CDC42SE2: variants seen among roughly 807,000 people sequenced by gnomAD.
The protein encoded by CDC42SE2 is CDC42 small effector 2, also known as CDC42 small effector protein 2.
CDC42SE2 carries 3 observed loss-of-function variants against 11.5 expected under a neutral mutation model. That is an observed-to-expected ratio of 0.26 (90% CI 0.12 to 0.67). The LOEUF is 0.67. Ranked by LOEUF, CDC42SE2 falls within the 30% of genes least tolerant of loss-of-function variation. The pLI is 0.80. For synonymous variants in CDC42SE2, 33 were observed against 34.8 expected, an observed-to-expected ratio of 0.95 and a Z score of 0.18; for missense variants, 82 against 106.8, an observed-to-expected ratio of 0.77 and a Z score of 1.02.
intron 2 of CDC42SE2, among the ~76,000 whole-genome samples, chr5:131,331,505 T>C (rs1758419124): frequency 6.6e-6 from 1 of 152,190 alleles, no homozygotes; most frequent in South Asian, 2.1e-4. Context: ...ATAATACCGC[T>C]TAGGATTACA....
At chr5:131,350,785 A>G (rs1758989526) in intron 2 of CDC42SE2, among the ~76,000 whole-genome samples, 1 of 152,146 alleles carries the variant, frequency 6.6e-6, no homozygotes, top group Admixed American at 6.6e-5. Context: ...CAAAGGACCT[A>G]GAAAACTAAA....
At chr5:131,247,482 G>A (rs965379722) in intron 1 of CDC42SE2, among the ~76,000 whole-genome samples, 4 of 152,042 alleles carry the variant, frequency 2.6e-5, no homozygotes, top group Admixed American at 1.3e-4. Context: ...AGCTGGGCAT[G>A]GTGGTGGGCG....
chr5:131,351,333 C>T (rs1299318567), intron 2 of CDC42SE2, among the ~76,000 whole-genome samples: 1 of 151,992 alleles, frequency 6.6e-6, no homozygotes, highest in Non-Finnish European at 1.5e-5. Context: ...TGGCTCACTG[C>T]AAGCTTTGCC....
chr5:131,235,534 C>T, the CDC42SE2 span, among the ~76,000 whole-genome samples: 2 of 151,662 alleles, frequency 1.3e-5, no homozygotes, highest in East Asian at 3.9e-4. Context: ...GTGATCCACC[C>T]ACCTCAGCCT....
At chr5:131,318,988 G>A (rs144031111) in intron 2 of CDC42SE2, among the ~76,000 whole-genome samples, 3,365 of 152,020 alleles carry the variant, frequency 0.022, 128 homozygotes, top group African/African-American at 0.076. Flanking sequence ...TGCAACCTCC[G>A]CCTCCAGGGT....
Position 131,323,547 on chromosome 5 carries a change from GTTTTTTTTTTTTT to G in CDC42SE2, c.-286+7417_-286+7429del, listed in dbSNP as rs1171213231. ...AAGGGATTGTACCTCTCTCTCTCTG[GTTTTTTTTTTTTT>G]TTTTTTTTTTTTTGTATTTAAATGT... On this transcript the variant is annotated intron_variant, in intron 2 of 4. Coordinates refer to ENST00000505065, the MANE Select transcript of CDC42SE2 (RefSeq NM_001375635.1). Among the ~76,000 whole-genome samples the G allele has an allele frequency of 6.6e-3, 544 of 82,610 alleles. 4 individuals are homozygous for G. Among genetic ancestry groups the G allele is most frequent in the African/African-American group, 0.026 (506 of 19,574 alleles). The allele number at this position is 82,610 out of a possible 152,430, so 54.2% of individuals were successfully genotyped here. A position where few individuals can be genotyped will look rare whatever the true frequency, so the allele number is the denominator to read the frequency against.
chr5:131,220,117 A>G, the CDC42SE2 span, among the ~76,000 whole-genome samples: 1 of 152,242 alleles, frequency 6.6e-6, no homozygotes, highest in African/African-American at 2.4e-5. Flanking sequence ...TTGTCAGCGC[A>G]TAATGCTGTG....
At chr5:131,252,425 G>A (rs1298757733) in intron 1 of CDC42SE2, among the ~76,000 whole-genome samples, 1 of 152,176 alleles carries the variant, frequency 6.6e-6, no homozygotes, top group Non-Finnish European at 1.5e-5. Context: ...AGGCCGAGGC[G>A]GGTGGATTGC....
intron 1 of CDC42SE2, among the ~76,000 whole-genome samples, chr5:131,280,057 A>G (rs1416388237): frequency 6.6e-6 from 1 of 152,186 alleles, no homozygotes; most frequent in East Asian, 1.9e-4. Flanking sequence ...ACAGAGCAAG[A>G]CCCTGTCTCA....
chr5:131,237,053 A>G, the CDC42SE2 span, among the ~76,000 whole-genome samples: 5 of 152,368 alleles, frequency 3.3e-5, no homozygotes, highest in Non-Finnish European at 4.4e-5. Context: ...TTCTCAAAAA[A>G]TAAAATTGTT....
intron 2 of CDC42SE2, among the ~76,000 whole-genome samples, chr5:131,337,498 TCAGA>T (rs746014964): frequency 3.2e-4 from 48 of 152,214 alleles, no homozygotes; most frequent in Non-Finnish European, 6.5e-4. Context: ...TTCAAAGCTG[TCAGA>T]CAGAGACATT....
At chr5:131,388,893 A>G (rs1750569104) in intron 4 of CDC42SE2, among the ~76,000 whole-genome samples, 1 of 152,140 alleles carries the variant, frequency 6.6e-6, no homozygotes, top group Admixed American at 6.6e-5. Context: ...TCTGTTGCCC[A>G]GGCTGGAGTG....
chr5:131,384,945 G>A (rs1750436251), intron 3 of CDC42SE2, among the ~76,000 whole-genome samples: 1 of 149,438 alleles, frequency 6.7e-6, no homozygotes, highest in South Asian at 2.1e-4. Flanking sequence ...ATTAAGAAGA[G>A]TGAGTAAGAC....
chr5:131,254,597 G>A (rs1361457454), intron 1 of CDC42SE2, among the ~76,000 whole-genome samples: 2 of 151,698 alleles, frequency 1.3e-5, no homozygotes, highest in East Asian at 3.9e-4. Context: ...GAAATAGTAA[G>A]TCTTTAGGTG....
chr5:131,255,996 A>G (rs1047455868), intron 2 of CDC42SE2, among the ~76,000 whole-genome samples: 7 of 152,210 alleles, frequency 4.6e-5, no homozygotes, highest in African/African-American at 1.7e-4. Context: ...AATCTGCAAA[A>G]CAAACCCATA....
intron 3 of CDC42SE2, among the ~76,000 whole-genome samples, chr5:131,366,507 C>T (rs376045728): frequency 6.6e-6 from 1 of 151,934 alleles, no homozygotes; most frequent in Non-Finnish European, 1.5e-5. Flanking sequence ...TAATGTTTTT[C>T]GGTTGAGAAT....
chr5:131,227,224 A>G, the CDC42SE2 span, among the ~76,000 whole-genome samples: 1 of 152,068 alleles, frequency 6.6e-6, no homozygotes, highest in Non-Finnish European at 1.5e-5. Flanking sequence ...TGATTATGCC[A>G]ATGCACTCCA....
intron 3 of CDC42SE2, among the ~76,000 whole-genome samples, chr5:131,374,965 T>G (rs1750109985): frequency 6.6e-6 from 1 of 151,954 alleles, no homozygotes; most frequent in South Asian, 2.1e-4. Context: ...TGAAAAGTTT[T>G]TAACACCAAT....
At chr5:131,352,028 G>A (rs1759024293) in intron 2 of CDC42SE2, among the ~76,000 whole-genome samples, 1 of 152,112 alleles carries the variant, frequency 6.6e-6, no homozygotes, top group African/African-American at 2.4e-5. Flanking sequence ...TGGCCAAGAA[G>A]CACATGAAAA....
Sources: allele counts gnomAD v4.1 joint callset (sites outside exome capture counted in the v4.1 genomes callset), GRCh38; gene constraint gnomAD v4.1.1; transcripts MANE v1.5; gene names NCBI Gene and HGNC (gene_info 2026-07-23, HGNC 2026-07-21).